Variants in GNG13 observed in about 807,000 individuals in gnomAD.
GNG13 encodes the protein guanine nucleotide-binding protein G(I)/G(S)/G(O) subunit gamma-13.
In GNG13, 12 loss-of-function variants were observed where a neutral mutation model predicts 8.2. The ratio of observed to expected loss-of-function variants is 1.47; its 90% CI spans 0.94 to 2.38. GNG13 has a LOEUF of 2.38. Among genes scored for constraint, GNG13 ranks in the 30% most tolerant of loss-of-function variants. The pLI is 0.00. For synonymous variants in GNG13, 45 were observed against 33.0 expected, an observed-to-expected ratio of 1.37 and a Z score of -1.25; for missense variants, 100 against 85.2, an observed-to-expected ratio of 1.17 and a Z score of -0.68.
At chr16:799,943 C>T (rs375238834) in intron 1 of GNG13, among the ~76,000 whole-genome samples, 17 of 152,198 alleles carry the variant, frequency 1.1e-4, no homozygotes, top group African/African-American at 3.9e-4. Flanking sequence ...TGGGGGTTGG[C>T]GTCAAGTTTC....
At chr16:798,912 G>C in intron 2 of GNG13, 68 bp downstream of exon 2, 1 of 1,362,184 alleles carries the variant, frequency 7.3e-7, no homozygotes, top group South Asian at 1.2e-5. Flanking sequence ...GGTGGTCGTG[G>C]CTATGGAAAT....
intron 1 of GNG13, 93 bp downstream of exon 1, chr16:800,573 T>A (rs1211389725): frequency 4.0e-5 from 6 of 151,774 alleles, no homozygotes; most frequent in African/African-American, 1.2e-4. Flanking sequence ...GCCCCGGGAG[T>A]TAGGGTGAGC....
chr16:798,772 C>T lies in GNG13; in HGVS notation c.151G>A (p.Asp51Asn), dbSNP rs186803817. 7.2e-5 allele frequency: 116 copies of T among 1,613,340 alleles called. No homozygotes were observed. Among genetic ancestry groups the T allele is most frequent in the African/African-American group, 2.8e-4 (21 of 75,016 alleles). Residue 51 changes from aspartate (D) to asparagine (N), a missense_variant, in exon 3 of 3, where the codon GAC (aspartate) becomes AAC (asparagine). Coordinates refer to ENST00000248150, the MANE Select transcript of GNG13 (RefSeq NM_016541.3). ...ACCCATGGGTTGTTCTTCATCAGGTCGGGGTTCAGGAAGGGGTCCTTGGGG... is the reference window on the plus strand; with the variant it reads ...ACCCATGGGTTGTTCTTCATCAGGTTGGGGTTCAGGAAGGGGTCCTTGGGG... The part of the protein sequence containing the change: ...GIPKDPFLNP[D>N]LMKNNPWVEK...
At chr16:800,483 C>A (rs1417833657) in intron 1 of GNG13, among the ~76,000 whole-genome samples, 183 bp downstream of exon 1, 1 of 152,212 alleles carries the variant, frequency 6.6e-6, no homozygotes, top group East Asian at 1.9e-4. Context: ...GGACACAGCT[C>A]CCCCGCACCG....
chr16:798,103 G>T lies in GNG13; in HGVS notation c.*616C>A. On this transcript the variant is annotated 3_prime_UTR_variant, in exon 3 of 3. Transcript: ENST00000248150. Reference sequence around the variant, plus strand: ...CGTGCGAGTGGAGTGGGGTTCACAGGATGGTGGGAGTGGGGCCGGGCGTGG... The same window carrying T: ...CGTGCGAGTGGAGTGGGGTTCACAGTATGGTGGGAGTGGGGCCGGGCGTGG... The T allele has an allele frequency of 7.6e-7, 1 of 1,309,030 alleles. No homozygotes were observed. The highest frequency in any genetic ancestry group is 1.0e-6 in the Non-Finnish European group (1 of 957,170). The allele number at this position is 1,309,030 out of a possible 1,614,324, so 81.1% of individuals were successfully genotyped here.
rs2042407500 is a variant in GNG13, at chr16:798,087, G to A, written c.*632C>T. Reference sequence around the variant, plus strand: ...TTACAGACTGTAATCACGTGCGAGTGGAGTGGGGTTCACAGGATGGTGGGA... The same window carrying A: ...TTACAGACTGTAATCACGTGCGAGTAGAGTGGGGTTCACAGGATGGTGGGA... On this transcript the variant is annotated 3_prime_UTR_variant, in exon 3 of 3. Transcript: ENST00000248150. 3.6e-6 allele frequency: 5 copies of A among 1,408,006 alleles called. No individual in the cohort carries two copies. In the South Asian group the frequency reaches 5.4e-5, roughly 15 times the overall value. The allele number at this position is 1,408,006 out of a possible 1,614,324, so 87.2% of individuals were successfully genotyped here.
chr16:798,150 G>T lies in GNG13; in HGVS notation c.*569C>A. The T allele has an allele frequency of 2.3e-6, 2 of 859,412 alleles. No homozygotes were observed. Among genetic ancestry groups the T allele is most frequent in the South Asian group, 1.6e-5 (1 of 61,260 alleles). 53.2% of individuals were successfully genotyped at this position (859,412 alleles called of 1,614,324 possible). A position where few individuals can be genotyped will look rare whatever the true frequency, so the allele number is the denominator to read the frequency against. ...GTGGGCTCATAGGATGGTGTGAGTG[G>T]GGCCAGGAGTGGGGCTCACAGGATG... On this transcript the variant is annotated 3_prime_UTR_variant, in exon 3 of 3. Transcript: ENST00000248150.
At position 798,795 on chromosome 16, in the gene GNG13, G is replaced by C. The variant is rs2042421598; in HGVS notation, c.128C>G (p.Pro43Arg). The C allele has an allele frequency of 1.2e-6, 2 of 1,612,648 alleles. No individual in the cohort carries two copies. The highest frequency in any genetic ancestry group is 4.5e-5 in the East Asian group (2 of 44,880). The change falls in exon 3 of 3, where the codon CCC becomes CGC. Residue 43 changes from proline to arginine, a missense_variant. Physicochemically the swap from Pro to Arg is moderately radical, Grantham distance 103. Coordinates refer to ENST00000248150, the MANE Select transcript of GNG13 (RefSeq NM_016541.3). ...GTCGGGGTTCAGGAAGGGGTCCTTG[G>C]GGATCCCGTCCTCGATCCACTTCAG... ...ELLKWIEDGIPKDPFLNPDLM... is the reference protein window; with the variant it reads ...ELLKWIEDGIRKDPFLNPDLM...
rs763505131 is a variant in GNG13, at chr16:798,762, T to A, written c.161A>T (p.Lys54Met). 19 of 1,613,144 alleles carry A rather than the reference T, an allele frequency of 1.2e-5. No individual in the cohort carries two copies. The highest frequency in any genetic ancestry group is 1.5e-5 in the Non-Finnish European group (18 of 1,179,534). The change falls in exon 3 of 3, where the codon AAG becomes ATG. Residue 54 changes from lysine (K) to methionine (M), a missense_variant. Lys to Met is a moderately conservative substitution (Grantham distance 95). Transcript: ENST00000248150. ...KDPFLNPDLM[K>M]NNPWVEKGKC... ...GCCCTTTTCCACCCATGGGTTGTTC[T>A]TCATCAGGTCGGGGTTCAGGAAGGG...
chr16:800,414 G>A (rs1007658016), intron 1 of GNG13, among the ~76,000 whole-genome samples: 5 of 152,286 alleles, frequency 3.3e-5, no homozygotes, highest in African/African-American at 7.2e-5. Context: ...CGTGCACCCC[G>A]TGGACGCCCC....
rs753002780 is a variant in GNG13, at chr16:799,086, G to A, written c.-9C>T. 6.4e-7 allele frequency: 1 copy of A among 1,561,864 alleles called. No homozygotes were observed. The highest frequency in any genetic ancestry group is 8.8e-7 in the Non-Finnish European group (1 of 1,133,450). On this transcript the variant is annotated 5_prime_UTR_variant, in exon 2 of 3. Coordinates refer to ENST00000248150, the MANE Select transcript of GNG13 (RefSeq NM_016541.3). ...ACGTCCCACTCCTCCATGGGGTCAG[G>A]GGCTTCTGAAGCAGCCAGCCTGGGG...
intron 1 of GNG13, among the ~76,000 whole-genome samples, chr16:799,889 C>G (rs1343152258): frequency 6.9e-6 from 1 of 145,156 alleles, no homozygotes; most frequent in Non-Finnish European, 1.5e-5. Context: ...CTCTGGCCCC[C>G]GTCCCCAAGG....
rs1381481388 is a variant in GNG13 at position 798,513 on chromosome 16, T to C, written c.*206A>G. The C allele has an allele frequency of 3.2e-6, 2 of 628,182 alleles. No homozygotes were observed. The highest frequency in any genetic ancestry group is 4.1e-5 in the African/African-American group (2 of 48,398). 38.9% of individuals were successfully genotyped at this position (628,182 alleles called of 1,614,324 possible). A position where few individuals can be genotyped will look rare whatever the true frequency, so the allele number is the denominator to read the frequency against. Reference sequence around the variant, plus strand: ...GAGTGAATGGGGCTGGGCATAGTCTTACAAGATGGAGTGAGTGGGGCCGGG... The same window carrying C: ...GAGTGAATGGGGCTGGGCATAGTCTCACAAGATGGAGTGAGTGGGGCCGGG... On this transcript the variant is annotated 3_prime_UTR_variant, in exon 3 of 3. Transcript: ENST00000248150.
In GNG13 at chr16:798,717, G is replaced by T. The variant is rs146909074; in HGVS notation, c.*2C>A. The T allele has an allele frequency of 1.9e-6, 3 of 1,578,782 alleles. No homozygotes were observed. Among genetic ancestry groups the T allele is most frequent in the Non-Finnish European group, 2.6e-6 (3 of 1,148,426 alleles). On this transcript the variant is annotated 3_prime_UTR_variant, in exon 3 of 3. Coordinates refer to ENST00000248150, the MANE Select transcript of GNG13 (RefSeq NM_016541.3). Reference sequence around the variant, plus strand: ...TGGTGTGAGAGGGGCCGGGTGCGGGGCTCACAGGATGGTGCATTTGCCCTT... The same window carrying T: ...TGGTGTGAGAGGGGCCGGGTGCGGGTCTCACAGGATGGTGCATTTGCCCTT...
In GNG13 at chr16:798,764, C is replaced by T. The variant is rs1480137180; in HGVS notation, c.159G>A (p.Met53Ile). The T allele has an allele frequency of 3.1e-6, 5 of 1,613,358 alleles. No individual in the cohort carries two copies. The highest frequency in any genetic ancestry group is 4.2e-6 in the Non-Finnish European group (5 of 1,179,630). Residue 53 changes from methionine to isoleucine, a missense_variant, in exon 3 of 3, where the codon ATG becomes ATA. Transcript: ENST00000248150. ...PKDPFLNPDLMKNNPWVEKGK... is the reference protein window; with the variant it reads ...PKDPFLNPDLIKNNPWVEKGK... The stretch of plus-strand genomic sequence containing the variant: ...CCTTTTCCACCCATGGGTTGTTCTT[C>T]ATCAGGTCGGGGTTCAGGAAGGGGT...
chr16:799,960 C>T (rs1169820271), intron 1 of GNG13, among the ~76,000 whole-genome samples: 2 of 152,120 alleles, frequency 1.3e-5, no homozygotes, highest in Admixed American at 6.5e-5. Context: ...TTTCGGGGAG[C>T]CTGCCTCTGG....
In GNG13 at chr16:798,337, C is replaced by G. The variant is rs1327028090; in HGVS notation, c.*382G>C. The G allele has an allele frequency of 4.9e-5, 21 of 424,796 alleles. No homozygotes were observed. The East Asian group carries it at 9.4e-4, about 19-fold the overall frequency. The allele number at this position is 424,796 out of a possible 1,614,324, so 26.3% of individuals were successfully genotyped here. On this transcript the variant is annotated 3_prime_UTR_variant, in exon 3 of 3. Transcript: ENST00000248150. ...GGTGTGAGTGGGGCTGGGAGTGGGGCTCACAGGATGGAGTGAGTGGGGCCG... is the reference window on the plus strand; with the variant it reads ...GGTGTGAGTGGGGCTGGGAGTGGGGGTCACAGGATGGAGTGAGTGGGGCCG...
At position 798,997 on chromosome 16, in the gene GNG13, C is replaced by G. The variant is rs774579197; in HGVS notation, c.81G>C (p.Ala27=). 1 of 1,601,406 alleles carries G rather than the reference C, an allele frequency of 6.2e-7. No homozygotes were observed. The highest frequency in any genetic ancestry group is 1.3e-5 in the African/African-American group (1 of 74,794). The change falls in exon 2 of 3, where the codon GCG becomes GCC. Residue 27 remains alanine (A), a synonymous_variant. Coordinates refer to ENST00000248150, the MANE Select transcript of GNG13 (RefSeq NM_016541.3). ...KYQLAFQREM[A]SKTIPELLKW... ...GCACTCACTCGGGGATGGTCTTGGA[C>G]GCCATCTCCCGCTGGAAGGCCAGCT...
At chr16:799,722 C>T (rs745940923) in intron 1 of GNG13, among the ~76,000 whole-genome samples, 9 of 152,128 alleles carry the variant, frequency 5.9e-5, no homozygotes, top group East Asian at 5.8e-4. Flanking sequence ...GAACCACACA[C>T]GTTACCTGCG....
Sources: gnomAD v4.1 joint callset for allele counts (sites outside exome capture counted in the v4.1 genomes callset) on GRCh38, gnomAD v4.1.1 for gene constraint, MANE v1.5 for transcripts, NCBI Gene and HGNC (gene_info 2026-07-23, HGNC 2026-07-21) for gene names.